MTNAP1: variants seen among roughly 807,000 people sequenced by gnomAD.
The protein encoded by MTNAP1 is mitochondrial nucleoid associated protein 1.
At chr17:73,241,766 C>A in the MTNAP1 span, among the ~76,000 whole-genome samples, 1 of 152,130 alleles carries the variant, frequency 6.6e-6, no homozygotes, top group African/African-American at 2.4e-5. Flanking sequence ...CCCGTCTCTA[C>A]TAAATAACAA....
the MTNAP1 span, chr17:73,247,278 A>G: frequency 1.2e-6 from 2 of 1,614,148 alleles, no homozygotes; most frequent in African/African-American, 1.3e-5. Flanking sequence ...AGAGCACAGT[A>G]CCTCCATGCA....
chr17:73,239,268 C>G, the MTNAP1 span, among the ~76,000 whole-genome samples: 1 of 151,906 alleles, frequency 6.6e-6, no homozygotes, highest in South Asian at 2.1e-4. Flanking sequence ...TGCACACACT[C>G]CCCCCATGAT....
the MTNAP1 span, among the ~76,000 whole-genome samples, chr17:73,241,883 C>G: frequency 6.6e-6 from 1 of 152,134 alleles, no homozygotes; most frequent in Non-Finnish European, 1.5e-5. Flanking sequence ...GAGCCAAGAT[C>G]ATGCCACTGC....
chr17:73,247,365 C>T, the MTNAP1 span: 1 of 1,611,536 alleles, frequency 6.2e-7, no homozygotes, highest in Non-Finnish European at 8.5e-7. Context: ...GTAGGAGAAG[C>T]CTTCGTGACT....
At chr17:73,247,398 T>C in the MTNAP1 span, 1 of 1,571,360 alleles carries the variant, frequency 6.4e-7, no homozygotes, top group South Asian at 1.1e-5. Context: ...CTTCGTGCCC[T>C]GTGTTGCCCA....
chr17:73,236,974 CA>C, the MTNAP1 span: 5 of 1,581,034 alleles, frequency 3.2e-6, no homozygotes, highest in Middle Eastern at 1.7e-4. Flanking sequence ...TATCAGTCCC[CA>C]GGGGGAAAGA....
chr17:73,245,302 G>A, the MTNAP1 span: 1 of 1,440,806 alleles, frequency 6.9e-7, no homozygotes, highest in Non-Finnish European at 9.2e-7. Flanking sequence ...ACAGGGAGAG[G>A]GGAGTGAAAA....
chr17:73,240,243 T>C, the MTNAP1 span, among the ~76,000 whole-genome samples: 58 of 152,360 alleles, frequency 3.8e-4, no homozygotes, highest in African/African-American at 1.3e-3. Context: ...GCTCATAGTC[T>C]GTAACTAATA....
chr17:73,243,854 C>T, the MTNAP1 span, among the ~76,000 whole-genome samples: 1 of 152,110 alleles, frequency 6.6e-6, no homozygotes, highest in African/African-American at 2.4e-5. Flanking sequence ...TTTCCCTTCC[C>T]TGCTAAAAGG....
the MTNAP1 span, among the ~76,000 whole-genome samples, chr17:73,240,844 G>A: frequency 2.7e-5 from 4 of 149,558 alleles, no homozygotes; most frequent in Non-Finnish European, 5.9e-5. Context: ...TCTTTACACC[G>A]TTTTCCTCAA....
chr17:73,242,930 TG>T, the MTNAP1 span: 1 of 1,613,726 alleles, frequency 6.2e-7, no homozygotes, highest in Non-Finnish European at 8.5e-7. Context: ...TAAGGAAGAG[TG>T]GATTCGGTGG....
the MTNAP1 span, chr17:73,236,663 A>G: frequency 9.3e-6 from 15 of 1,614,178 alleles, no homozygotes; most frequent in Middle Eastern, 1.6e-4. Flanking sequence ...GCCCAGAATC[A>G]TCATTGTGTC....
chr17:73,248,615 G>A, the MTNAP1 span: 1 of 1,415,870 alleles, frequency 7.1e-7, no homozygotes, highest in Non-Finnish European at 9.8e-7. Context: ...CCGCAGAAGA[G>A]GCATGGTGAC....
the MTNAP1 span, among the ~76,000 whole-genome samples, chr17:73,242,514 C>T: frequency 6.6e-6 from 1 of 152,044 alleles, no homozygotes; most frequent in East Asian, 1.9e-4. Context: ...TGGAGTTGGA[C>T]ATAATTGAAA....
chr17:73,239,410 A>G, the MTNAP1 span, among the ~76,000 whole-genome samples: 5 of 152,146 alleles, frequency 3.3e-5, no homozygotes, highest in Non-Finnish European at 5.9e-5. Flanking sequence ...TGTGATGACT[A>G]TGACTATCGT....
the MTNAP1 span, chr17:73,236,225 A>G: frequency 7.4e-6 from 12 of 1,614,208 alleles, no homozygotes; most frequent in Middle Eastern, 1.6e-4. Flanking sequence ...TTATTAAGCA[A>G]TGAGAGAGAT....
At chr17:73,233,142 T>C in the MTNAP1 span, 1 of 152,260 alleles carries the variant, frequency 6.6e-6, no homozygotes. Context: ...AACCTGTGTT[T>C]CTATTTGGTT....
At chr17:73,240,089 A>C in the MTNAP1 span, among the ~76,000 whole-genome samples, 4 of 152,032 alleles carry the variant, frequency 2.6e-5, no homozygotes, top group African/African-American at 9.7e-5. Context: ...GTTAGCTCCT[A>C]AGAATACAAT....
chr17:73,235,705 G>A, the MTNAP1 span: 3 of 1,614,092 alleles, frequency 1.9e-6, no homozygotes, highest in South Asian at 1.1e-5. Context: ...GACAGAGAAT[G>A]AAGAAAGAAA....
Sources: allele counts gnomAD v4.1 joint callset (sites outside exome capture counted in the v4.1 genomes callset), GRCh38; gene constraint gnomAD v4.1.1; transcripts MANE v1.5; gene names NCBI Gene and HGNC (gene_info 2026-07-23, HGNC 2026-07-21).